The following FHIT variants were observed in gnomAD, a reference collection of about 807,000 sequenced individuals.
FHIT encodes the protein bis(5'-adenosyl)-triphosphatase.
FHIT carries 19 observed loss-of-function variants against 17.9 expected under a neutral mutation model. The ratio of observed to expected loss-of-function variants is 1.06; its 90% CI spans 0.74 to 1.56. The LOEUF (loss-of-function observed/expected upper bound fraction) is 1.56, where lower values mean the gene tolerates loss of function less well. FHIT is among the 40% of genes most tolerant of loss of function. The pLI is 0.00. For synonymous variants in FHIT, 81 were observed against 69.7 expected (o/e 1.16, Z -0.81); for missense variants, 248 against 189.2 (o/e 1.31, Z -1.82).
At chr3:59,838,597 G>A (rs754419632) in intron 8 of FHIT, among the ~76,000 whole-genome samples, 2 of 152,158 alleles carry the variant, frequency 1.3e-5, no homozygotes, top group Non-Finnish European at 2.9e-5. Flanking sequence ...GGAGTGGCAG[G>A]TTTAGAGGGC....
chr3:60,633,183 C>T (rs906481880), intron 4 of FHIT, among the ~76,000 whole-genome samples: 5 of 152,124 alleles, frequency 3.3e-5, no homozygotes, highest in African/African-American at 1.2e-4. Flanking sequence ...TCCTCAAAGA[C>T]TTTATTAATC....
At chr3:59,898,442 TTG>T (rs3075168) in intron 8 of FHIT, among the ~76,000 whole-genome samples, 5,252 of 145,154 alleles carry the variant, frequency 0.036, 97 homozygotes, top group South Asian at 0.058. Context: ...GTGTGTATGT[TTG>T]TGTGTGTGTG....
chr3:61,103,800 A>G (rs905897748), intron 2 of FHIT, among the ~76,000 whole-genome samples: 1 of 151,618 alleles, frequency 6.6e-6, no homozygotes, highest in Admixed American at 6.6e-5. Flanking sequence ...TTCCTTTGCC[A>G]TTATGTAATG....
At chr3:59,916,493 T>C (rs1705141491) in intron 8 of FHIT, among the ~76,000 whole-genome samples, 1 of 152,226 alleles carries the variant, frequency 6.6e-6, no homozygotes, top group East Asian at 1.9e-4. Flanking sequence ...ACATCTATCC[T>C]ACTAGTTCTG....
intron 3 of FHIT, among the ~76,000 whole-genome samples, chr3:60,905,135 G>A (rs1482756132): frequency 6.6e-6 from 1 of 152,072 alleles, no homozygotes; most frequent in Non-Finnish European, 1.5e-5. Context: ...GTTATCAATA[G>A]GAGAACCTGG....
intron 4 of FHIT, among the ~76,000 whole-genome samples, chr3:60,555,040 G>T (rs142100975): frequency 6.6e-6 from 1 of 152,142 alleles, no homozygotes; most frequent in Non-Finnish European, 1.5e-5. Context: ...CATTTTTTAC[G>T]TAACAGTGTA....
At chr3:60,505,545 G>A (rs1030315131) in intron 5 of FHIT, among the ~76,000 whole-genome samples, 5 of 152,178 alleles carry the variant, frequency 3.3e-5, no homozygotes, top group Admixed American at 2.6e-4. Context: ...TAATACAGAC[G>A]CACATTCTCT....
intron 3 of FHIT, among the ~76,000 whole-genome samples, chr3:61,002,023 T>C (rs1202884821): frequency 6.6e-6 from 1 of 152,204 alleles, no homozygotes; most frequent in Non-Finnish European, 1.5e-5. Flanking sequence ...AATTGACAAA[T>C]AATACTTGTA....
intron 5 of FHIT, among the ~76,000 whole-genome samples, chr3:60,017,613 C>A (rs1700393536): frequency 6.6e-6 from 1 of 152,212 alleles, no homozygotes; most frequent in Non-Finnish European, 1.5e-5. Context: ...TCACAAGAGA[C>A]TACCAGAAAC....
intron 5 of FHIT, among the ~76,000 whole-genome samples, chr3:60,378,845 G>A (rs78684006): frequency 0.011 from 1,687 of 152,292 alleles, 33 homozygotes; most frequent in African/African-American, 0.039. Flanking sequence ...CCAAGCCTAG[G>A]AGGTTCATTT....
rs1156410696 is a variant in FHIT, at chr3:61,014,808, A to AAAAAAAAAAAAAAAT, written c.-111+27238_-111+27239insATTTTTTTTTTTTTT. Among the ~76,000 whole-genome samples, 26 of 26,976 alleles carry AAAAAAAAAAAAAAAT rather than the reference A, an allele frequency of 9.6e-4. 2 individuals carry two copies. The highest frequency in any genetic ancestry group is 1.5e-3 in the Admixed American group (3 of 2,066). The allele number at this position is 26,976 out of a possible 152,430, so 17.7% of individuals were successfully genotyped here. A position where few individuals can be genotyped will look rare whatever the true frequency, so the allele number is the denominator to read the frequency against. ...AAAAAAAAAAAAAAAAAAAAAAAAA[A>AAAAAAAAAAAAAAAT]TATATATATATATATATGTATACAC... On this transcript the variant is annotated intron_variant, in intron 3 of 9. Transcript: ENST00000492590.
chr3:60,779,936 G>A (rs185698318), intron 4 of FHIT, among the ~76,000 whole-genome samples: 255 of 152,344 alleles, frequency 1.7e-3, no homozygotes, highest in Non-Finnish European at 3.0e-3. Context: ...TAGGGCATAC[G>A]TGGGTAAGAG....
At chr3:60,467,177 T>C (rs528809512) in intron 5 of FHIT, among the ~76,000 whole-genome samples, 21 of 152,122 alleles carry the variant, frequency 1.4e-4, no homozygotes, top group Admixed American at 9.8e-4. Context: ...TATCTTCTAA[T>C]GATCTTTGAA....
At chr3:60,744,254 AAAACAAAAC>A (rs1285275202) in intron 4 of FHIT, among the ~76,000 whole-genome samples, 3 of 70,794 alleles carry the variant, frequency 4.2e-5, no homozygotes, top group African/African-American at 2.3e-4. Flanking sequence ...TGTAAAAAAA[AAAACAAAAC>A]AAAACAAAAA....
intron 5 of FHIT, among the ~76,000 whole-genome samples, chr3:60,346,397 T>C (rs1162475668): frequency 1.3e-5 from 2 of 152,178 alleles, no homozygotes; most frequent in African/African-American, 4.8e-5. Context: ...ATGACAGCTC[T>C]TGTCAACTGG....
At chr3:60,178,266 G>A (rs928284537) in intron 5 of FHIT, among the ~76,000 whole-genome samples, 1 of 152,050 alleles carries the variant, frequency 6.6e-6, no homozygotes, top group Non-Finnish European at 1.5e-5. Flanking sequence ...AAATGGGTTA[G>A]CAAGGGAAAA....
chr3:60,743,882 G>T (rs1358535783), intron 4 of FHIT, among the ~76,000 whole-genome samples: 1 of 152,128 alleles, frequency 6.6e-6, no homozygotes, highest in African/African-American at 2.4e-5. Flanking sequence ...CGCTCTGTTT[G>T]GCTGGACACA....
chr3:60,531,302 G>A (rs375571243), intron 5 of FHIT, among the ~76,000 whole-genome samples: 9 of 140,428 alleles, frequency 6.4e-5, no homozygotes, highest in East Asian at 2.0e-4. Flanking sequence ...TTTTTGAGAC[G>A]GAGTCTCGCT....
At chr3:59,787,806 T>C (rs2106912447) in intron 8 of FHIT, among the ~76,000 whole-genome samples, 1 of 152,338 alleles carries the variant, frequency 6.6e-6, no homozygotes, top group Non-Finnish European at 1.5e-5. Flanking sequence ...CCTGCCAAGG[T>C]CACTCGGTTC....
Sources: gnomAD v4.1 joint callset for allele counts (sites outside exome capture counted in the v4.1 genomes callset) on GRCh38, gnomAD v4.1.1 for gene constraint, MANE v1.5 for transcripts, NCBI Gene and HGNC (gene_info 2026-07-23, HGNC 2026-07-21) for gene names.